The following CDCA7L variants were observed in gnomAD, a reference collection of about 807,000 sequenced individuals.
CDCA7L encodes the protein cell division cycle associated 7 like.
CDCA7L carries 44 observed loss-of-function variants against 57.4 expected under a neutral mutation model. The ratio of observed to expected loss-of-function variants is 0.77; its 90% CI spans 0.60 to 0.98. The LOEUF is 0.98. CDCA7L is among the 50% of genes least tolerant of loss of function. CDCA7L has a pLI of 0.00. For missense variants in CDCA7L, 644 were observed against 580.6 expected (o/e 1.11, Z -1.12); for synonymous variants, 236 against 202.8 (o/e 1.16, Z -1.39).
At chr7:21,928,295 C>T (rs754682648) in intron 1 of CDCA7L, among the ~76,000 whole-genome samples, 4 of 152,178 alleles carry the variant, frequency 2.6e-5, no homozygotes, top group East Asian at 1.9e-4. Context: ...AATCCCCATC[C>T]GAAGGTCACC....
intron 3 of CDCA7L, among the ~76,000 whole-genome samples, chr7:21,910,511 C>A (rs1198798411): frequency 2.0e-5 from 3 of 152,168 alleles, no homozygotes; most frequent in Non-Finnish European, 2.9e-5. Flanking sequence ...ACAGTCTCTG[C>A]CAAAAGTTAG....
At chr7:21,915,191 C>A (rs114259944) in intron 2 of CDCA7L, among the ~76,000 whole-genome samples, 1 of 151,606 alleles carries the variant, frequency 6.6e-6, no homozygotes, top group Non-Finnish European at 1.5e-5. Flanking sequence ...AACTCCTGGA[C>A]GGGAGTCAAG....
chr7:21,916,705 G>T (rs1161834004), intron 2 of CDCA7L, 49 bp downstream of exon 2: 2 of 1,576,812 alleles, frequency 1.3e-6, no homozygotes, highest in Admixed American at 3.4e-5. Flanking sequence ...TCCAAACCAA[G>T]ATTCAGGCCT....
intron 1 of CDCA7L, among the ~76,000 whole-genome samples, chr7:21,942,984 C>G (rs1253013969): frequency 3.9e-5 from 6 of 152,198 alleles, no homozygotes; most frequent in African/African-American, 1.4e-4. Context: ...AGCATCATTT[C>G]CTTCTCAAAT....
At chr7:21,945,499 C>T (rs546453440) in intron 1 of CDCA7L, among the ~76,000 whole-genome samples, 1 of 152,230 alleles carries the variant, frequency 6.6e-6, no homozygotes, top group African/African-American at 2.4e-5. Flanking sequence ...CCGCTAGCTC[C>T]CCGCCTGCAC....
intron 1 of CDCA7L, chr7:21,940,335 A>G: frequency 1.0e-6 from 1 of 982,082 alleles, no homozygotes; most frequent in Non-Finnish European, 1.2e-6. Flanking sequence ...AGAAAACGCT[A>G]TATAAATGTT....
intron 1 of CDCA7L, among the ~76,000 whole-genome samples, chr7:21,928,771 G>C (rs186770406): frequency 3.5e-4 from 53 of 151,746 alleles, no homozygotes; most frequent in African/African-American, 1.2e-3. Context: ...AGTGAAAAAG[G>C]AACAAAAAAA....
intron 7 of CDCA7L, among the ~76,000 whole-genome samples, chr7:21,904,857 AAG>A (rs1467668706): frequency 1.1e-4 from 16 of 152,202 alleles, no homozygotes; most frequent in Non-Finnish European, 1.5e-5. Context: ...GGCTGTCAGG[AAG>A]AGAGACCAGA....
chr7:21,945,787 G>C lies in CDCA7L; in HGVS notation c.18C>G (p.Arg6=). The C allele has an allele frequency of 6.2e-7, 1 of 1,600,608 alleles. No individual in the cohort carries two copies. Among genetic ancestry groups the C allele is most frequent in the Non-Finnish European group, 8.5e-7 (1 of 1,174,840 alleles). Residue 6 remains arginine (R), a synonymous_variant, in exon 1 of 10, where the codon CGC becomes CGG. Coordinates refer to ENST00000406877, the MANE Select transcript of CDCA7L (RefSeq NM_018719.5). MELAT[R]YQIPKEVADI... ...CGGGCGGCCGGACCCTCACCTGGTA[G>C]CGAGTCGCCAACTCCATTCTTCCTA...
intron 1 of CDCA7L, among the ~76,000 whole-genome samples, 195 bp downstream of exon 1, chr7:21,945,586 C>A (rs1007504913): frequency 6.6e-6 from 1 of 152,138 alleles, no homozygotes; most frequent in Admixed American, 6.5e-5. Flanking sequence ...CCTCTGTGGT[C>A]CGCGTAGCAC....
intron 1 of CDCA7L, among the ~76,000 whole-genome samples, chr7:21,944,196 T>C (rs1056212235): frequency 1.3e-5 from 2 of 151,218 alleles, no homozygotes; most frequent in African/African-American, 2.4e-5. Context: ...CCCAGCACTT[T>C]GGGAGGCCGA....
intron 3 of CDCA7L, among the ~76,000 whole-genome samples, chr7:21,911,029 TTTTTTTTTTTTTTTTTTTG>T (rs1785307725): frequency 1.2e-5 from 1 of 84,468 alleles, no homozygotes. Context: ...TTTTTTTTTT[TTTTTTTTTTTTTTTTTTTG>T]AGATGGAGTC....
At position 21,905,550 on chromosome 7, in the gene CDCA7L, T is replaced by G; in HGVS notation, c.1003A>C (p.Asn335His). ...VEDITEEDLE[N>H]VAITVRDKIY... ...TTATCTCGAACAGTTATGGCAACATTTTCTAAGTCCTCTTCGGTGATATCC... is the reference window on the plus strand; with the variant it reads ...TTATCTCGAACAGTTATGGCAACATGTTCTAAGTCCTCTTCGGTGATATCC... The change falls in exon 7 of 10, where the codon AAT becomes CAT. Residue 335 changes from asparagine to histidine, a missense_variant. Physicochemically the swap from Asn to His is moderately conservative, Grantham distance 68. Transcript: ENST00000406877. 2 of 1,614,072 alleles carry G rather than the reference T, an allele frequency of 1.2e-6. No individual in the cohort carries two copies. The highest frequency in any genetic ancestry group is 1.7e-6 in the Non-Finnish European group (2 of 1,180,000).
chr7:21,908,614 G>A, intron 3 of CDCA7L, 107 bp from the exon 4 acceptor site: 1 of 1,205,908 alleles, frequency 8.3e-7, no homozygotes, highest in South Asian at 2.0e-5. Flanking sequence ...CATGAAAAAT[G>A]AAAAGCTTCC....
chr7:21,935,769 G>C (rs1786142743), intron 1 of CDCA7L, among the ~76,000 whole-genome samples: 1 of 152,208 alleles, frequency 6.6e-6, no homozygotes, highest in Admixed American at 6.5e-5. Flanking sequence ...AACACTTTGA[G>C]AGGCAGAGGT....
At chr7:21,902,888 C>A (rs769552291) in intron 9 of CDCA7L, 90 bp downstream of exon 9, 5 of 1,251,168 alleles carry the variant, frequency 4.0e-6, no homozygotes, top group African/African-American at 1.5e-5. Context: ...GTAAGTCACA[C>A]GGGAAGGCAA....
chr7:21,929,468 G>C (rs1008888192), intron 1 of CDCA7L, among the ~76,000 whole-genome samples: 1 of 152,016 alleles, frequency 6.6e-6, no homozygotes, highest in Admixed American at 6.5e-5. Flanking sequence ...TTAATCTTAA[G>C]TGTAAATGGG....
intron 1 of CDCA7L, among the ~76,000 whole-genome samples, chr7:21,919,651 C>G (rs1234625410): frequency 2.0e-5 from 3 of 152,134 alleles, no homozygotes; most frequent in Non-Finnish European, 2.9e-5. Flanking sequence ...GCTTCTTCCT[C>G]TGCTCCCTCA....
chr7:21,907,937 C>G (rs1785192151), intron 4 of CDCA7L, among the ~76,000 whole-genome samples, 193 bp downstream of exon 4: 1 of 152,146 alleles, frequency 6.6e-6, no homozygotes, highest in Non-Finnish European at 1.5e-5. Context: ...TTTCTGTTCC[C>G]AAACCAGAGC....
Sources: gnomAD v4.1 joint callset for allele counts (sites outside exome capture counted in the v4.1 genomes callset) on GRCh38, gnomAD v4.1.1 for gene constraint, MANE v1.5 for transcripts, NCBI Gene and HGNC (gene_info 2026-07-23, HGNC 2026-07-21) for gene names.